Variants in TACR1 observed in about 807,000 individuals in gnomAD.
The protein encoded by TACR1 is tachykinin receptor 1.
In TACR1, 25 loss-of-function variants were observed where a neutral mutation model predicts 35.8. The observed-to-expected ratio is 0.70, with a 90% CI of 0.51 to 0.98. The LOEUF (loss-of-function observed/expected upper bound fraction) is 0.98, where lower values mean the gene tolerates loss of function less well. TACR1 is among the 50% of genes least tolerant of loss of function. The pLI is 0.00. For missense variants in TACR1, 478 were observed against 522.9 expected (o/e 0.91, Z 0.84); for synonymous variants, 195 against 206.7 (o/e 0.94, Z 0.48).
At chr2:75,187,159 AT>A (rs1675727580) in intron 1 of TACR1, 1 of 152,270 alleles carries the variant, frequency 6.6e-6, no homozygotes, top group South Asian at 2.1e-4. Flanking sequence ...CTGGCTGAGA[AT>A]ATATTCCACA....
chr2:75,103,450 C>CA (rs1274558605), intron 2 of TACR1, among the ~76,000 whole-genome samples: 1 of 152,010 alleles, frequency 6.6e-6, no homozygotes, highest in African/African-American at 2.4e-5. Flanking sequence ...AAAGTGGCCC[C>CA]AATGGCCAAA....
At chr2:75,051,518 C>A in intron 3 of TACR1, 71 bp from the exon 4 acceptor site, 2 of 1,585,994 alleles carry the variant, frequency 1.3e-6, no homozygotes, top group Non-Finnish European at 1.7e-6. Context: ...CTCTCTCCTC[C>A]CACGCCCTCA....
At chr2:75,171,195 T>C (rs1323015206) in intron 1 of TACR1, among the ~76,000 whole-genome samples, 1 of 152,210 alleles carries the variant, frequency 6.6e-6, no homozygotes, top group African/African-American at 2.4e-5. Context: ...CTGGAGTTGG[T>C]GCCCTGTGTT....
chr2:75,090,741 T>G (rs1285806142), intron 2 of TACR1: 1 of 153,950 alleles, frequency 6.5e-6, no homozygotes, highest in African/African-American at 2.4e-5. Flanking sequence ...CAAGGAAGAG[T>G]GGTGACCGTT....
At chr2:75,181,938 C>T (rs1173521312) in intron 1 of TACR1, among the ~76,000 whole-genome samples, 5 of 152,188 alleles carry the variant, frequency 3.3e-5, no homozygotes, top group Admixed American at 1.3e-4. Flanking sequence ...GTTTATCAAG[C>T]GCTCAAAGAA....
intron 2 of TACR1, among the ~76,000 whole-genome samples, chr2:75,117,435 G>A (rs931829778): frequency 6.6e-6 from 1 of 152,148 alleles, no homozygotes; most frequent in African/African-American, 2.4e-5. Flanking sequence ...CCATCACACT[G>A]TTTGCTGCCT....
chr2:75,057,449 A>G (rs1049656922), intron 2 of TACR1, among the ~76,000 whole-genome samples: 8 of 152,138 alleles, frequency 5.3e-5, no homozygotes, highest in Non-Finnish European at 1.0e-4. Flanking sequence ...CTCACACAAA[A>G]CCTGTTGGGT....
At chr2:75,117,524 A>G (rs1429244396) in intron 2 of TACR1, among the ~76,000 whole-genome samples, 1 of 152,200 alleles carries the variant, frequency 6.6e-6, no homozygotes, top group African/African-American at 2.4e-5. Context: ...ACCCCTATCC[A>G]GGGCACTAGG....
Position 75,051,212 on chromosome 2 carries a change from T to C in TACR1, c.932+39A>G, listed in dbSNP as rs201943217. The C allele has an allele frequency of 6.8e-6, 11 of 1,613,870 alleles. No homozygotes were observed. The South Asian group carries it at 9.9e-5, about 15-fold the overall frequency. ...TTGGCCACTGTGTATGTAGATGGTC[T>C]TGTGGCCCCTGGAGAGCTCATGGGG... On this transcript the variant is annotated intron_variant, in intron 4 of 4. Transcript: ENST00000305249.
At position 75,158,239 on chromosome 2, in the gene TACR1, A is replaced by G. The variant is rs148378871; in HGVS notation, c.390-37471T>C. ...AAGATCGAGCATTTATCGGAAAAGC[A>G]TTACTCTAGGCAACTATGTAATCAG... On this transcript the variant is annotated intron_variant, in intron 1 of 4. Coordinates refer to ENST00000305249, the MANE Select transcript of TACR1 (RefSeq NM_001058.4). Among the ~76,000 whole-genome samples the G allele has an allele frequency of 4.6e-3, 702 of 152,312 alleles. 3 individuals carry two copies. The highest frequency in any genetic ancestry group is 0.014 in the Middle Eastern group (4 of 294).
chr2:75,130,620 A>G (rs1194282576), intron 1 of TACR1, among the ~76,000 whole-genome samples: 1 of 152,258 alleles, frequency 6.6e-6, no homozygotes, highest in Non-Finnish European at 1.5e-5. Flanking sequence ...AAAGTTTAGT[A>G]CTGGATTTCT....
intron 1 of TACR1, among the ~76,000 whole-genome samples, chr2:75,127,820 CTG>C (rs1427286480): frequency 6.6e-6 from 1 of 152,220 alleles, no homozygotes. Context: ...TCACTACTAT[CTG>C]TAGAAATTTT....
At position 75,120,608 on chromosome 2, in the gene TACR1, A is replaced by T; in HGVS notation, c.550T>A (p.Trp184Arg). The T allele has an allele frequency of 1.2e-6, 2 of 1,610,432 alleles. No homozygotes were observed. The highest frequency in any genetic ancestry group is 1.7e-6 in the Non-Finnish European group (2 of 1,178,126). The change falls in exon 2 of 5, where the codon TGG becomes AGG. Residue 184 changes from tryptophan to arginine, a missense_variant. Coordinates refer to ENST00000305249, the MANE Select transcript of TACR1 (RefSeq NM_001058.4). ...MPSRVVCMIE[W>R]PEHPNKIYEK... is the part of the protein sequence containing the mutation. ...TAAATCTTGTTCGGATGCTCTGGCCATTCGATCATGCACACGACTCTGCTG... is the reference window on the plus strand; with the variant it reads ...TAAATCTTGTTCGGATGCTCTGGCCTTTCGATCATGCACACGACTCTGCTG...
intron 2 of TACR1, among the ~76,000 whole-genome samples, chr2:75,094,860 T>TATATATATA (rs1491102755): frequency 0.028 from 1,385 of 50,112 alleles, 24 homozygotes; most frequent in East Asian, 0.12. Context: ...TATATATATA[T>TATATATATA]TTTTTTTTTT....
intron 2 of TACR1, among the ~76,000 whole-genome samples, chr2:75,092,192 A>G (rs182585261): frequency 6.6e-6 from 1 of 152,290 alleles, no homozygotes; most frequent in East Asian, 1.9e-4. Context: ...TGTAGCAAAC[A>G]ACTTAATATT....
intron 2 of TACR1, among the ~76,000 whole-genome samples, chr2:75,075,499 G>A (rs1435970618): frequency 2.0e-5 from 3 of 152,146 alleles, no homozygotes; most frequent in Admixed American, 1.3e-4. Context: ...CACAAGATGG[G>A]TGTTAGGATT....
chr2:75,166,700 C>T (rs937518594), intron 1 of TACR1, among the ~76,000 whole-genome samples: 12 of 152,178 alleles, frequency 7.9e-5, no homozygotes, highest in Admixed American at 6.6e-5. Flanking sequence ...AGATTGTGGG[C>T]GGCTGGGGTT....
intron 1 of TACR1, among the ~76,000 whole-genome samples, chr2:75,135,545 G>C (rs1485671845): frequency 1.3e-5 from 2 of 152,224 alleles, no homozygotes; most frequent in Non-Finnish European, 2.9e-5. Flanking sequence ...GCTGGATCCA[G>C]GGCCAGGCGC....
chr2:75,126,216 T>C (rs933700742), intron 1 of TACR1, among the ~76,000 whole-genome samples: 9 of 152,138 alleles, frequency 5.9e-5, no homozygotes, highest in African/African-American at 4.8e-5. Context: ...GATAATAGCC[T>C]CCAACTCCAT....
Sources: allele counts gnomAD v4.1 joint callset (sites outside exome capture counted in the v4.1 genomes callset), GRCh38; gene constraint gnomAD v4.1.1; transcripts MANE v1.5; gene names NCBI Gene and HGNC (gene_info 2026-07-23, HGNC 2026-07-21).